Variants in AKAP7 observed in about 807,000 individuals in gnomAD.
The protein encoded by AKAP7 is A-kinase anchoring protein 7.
Under a neutral mutation model 39.5 loss-of-function variants are expected in AKAP7, and 39 were observed. The ratio of observed to expected loss-of-function variants is 0.99; its 90% CI spans 0.76 to 1.29. The LOEUF (loss-of-function observed/expected upper bound fraction) is 1.29, where lower values mean the gene tolerates loss of function less well. Among genes scored for constraint, AKAP7 ranks in the 50% most tolerant of loss-of-function variants. AKAP7 has a pLI of 0.00. For synonymous variants in AKAP7, 140 were observed against 139.1 expected, an observed-to-expected ratio of 1.01 and a Z score of -0.05; for missense variants, 414 against 407.7, an observed-to-expected ratio of 1.02 and a Z score of -0.13.
At chr6:131,210,394 AC>A (rs1289140205) in intron 6 of AKAP7, among the ~76,000 whole-genome samples, 1 of 152,200 alleles carries the variant, frequency 6.6e-6, no homozygotes, top group East Asian at 1.9e-4. Context: ...AACAGAACTT[AC>A]TCATATCATC....
intron 2 of AKAP7, among the ~76,000 whole-genome samples, chr6:131,147,412 G>A (rs1584944207): frequency 6.6e-6 from 1 of 152,210 alleles, no homozygotes; most frequent in Non-Finnish European, 1.5e-5. Flanking sequence ...CCAAGGGGGA[G>A]AAGGAATCAG....
At chr6:131,168,276 TGGCATAC>T (rs1803695329) in intron 4 of AKAP7, among the ~76,000 whole-genome samples, 1 of 151,408 alleles carries the variant, frequency 6.6e-6, no homozygotes, top group Non-Finnish European at 1.5e-5. Context: ...CCAGGCATGG[TGGCATAC>T]ACCTGTGTAT....
chr6:131,253,512 C>T (rs112574277), intron 7 of AKAP7, among the ~76,000 whole-genome samples: 4 of 152,058 alleles, frequency 2.6e-5, no homozygotes, highest in African/African-American at 9.7e-5. Context: ...ATGTTTTTAA[C>T]TATAGTCACC....
chr6:131,221,905 A>T (rs1008115942), intron 7 of AKAP7, among the ~76,000 whole-genome samples: 4 of 152,238 alleles, frequency 2.6e-5, no homozygotes, highest in Non-Finnish European at 5.9e-5. Context: ...TGTTATTTTC[A>T]TGCTTGCTAA....
chr6:131,192,542 C>G (rs1297582702), intron 5 of AKAP7, among the ~76,000 whole-genome samples: 2 of 152,030 alleles, frequency 1.3e-5, no homozygotes, highest in Admixed American at 1.3e-4. Flanking sequence ...GCTTTGTTCT[C>G]TCAGGATAAT....
At chr6:131,237,078 C>T (rs937608714) in intron 7 of AKAP7, among the ~76,000 whole-genome samples, 2 of 151,980 alleles carry the variant, frequency 1.3e-5, no homozygotes, top group African/African-American at 4.8e-5. Context: ...GAGATACGGC[C>T]CATCAATACC....
the AKAP7 span, among the ~76,000 whole-genome samples, chr6:131,127,600 T>G: frequency 6.6e-6 from 1 of 152,180 alleles, no homozygotes; most frequent in African/African-American, 2.4e-5. Context: ...TTTCAAATTC[T>G]GCACATTATA....
In AKAP7 at chr6:131,282,578, G is replaced by A. The variant is rs774172657; in HGVS notation, c.*852G>A. ...TAACAACAGTAATTCAGCAAATGAC[G>A]TTGATTTCAGCACAACTTTGACATA... is the stretch of plus-strand genomic sequence containing the variant. On this transcript the variant is annotated 3_prime_UTR_variant, in exon 8 of 8. Transcript: ENST00000431975. 3.7e-5 allele frequency: 57 copies of A among 1,535,456 alleles called. No individual in the cohort carries two copies. In the South Asian group the frequency reaches 4.6e-4, roughly 13 times the overall value.
chr6:131,179,513 T>A (rs1320210959), intron 5 of AKAP7, among the ~76,000 whole-genome samples: 4 of 152,162 alleles, frequency 2.6e-5, no homozygotes, highest in Non-Finnish European at 5.9e-5. Context: ...GTGGCTAGAT[T>A]AGGCTCCACG....
At chr6:131,278,985 G>A (rs1378771051) in intron 7 of AKAP7, among the ~76,000 whole-genome samples, 3 of 152,174 alleles carry the variant, frequency 2.0e-5, no homozygotes, top group Non-Finnish European at 1.5e-5. Flanking sequence ...TGCAGTGGTG[G>A]GCAGGCAGCC....
chr6:131,152,998 C>T (rs546399566), intron 2 of AKAP7, among the ~76,000 whole-genome samples: 15 of 151,254 alleles, frequency 9.9e-5, no homozygotes, highest in East Asian at 7.8e-4. Context: ...GGCATGGTGG[C>T]GTGTGCCTGT....
At chr6:131,265,806 G>T (rs953527076) in intron 7 of AKAP7, among the ~76,000 whole-genome samples, 1 of 152,144 alleles carries the variant, frequency 6.6e-6, no homozygotes, top group Non-Finnish European at 1.5e-5. Context: ...TGGCTTCTCT[G>T]ACTCTTGTTT....
At chr6:131,226,301 G>A (rs1281972076) in intron 7 of AKAP7, among the ~76,000 whole-genome samples, 7 of 152,174 alleles carry the variant, frequency 4.6e-5, no homozygotes, top group Non-Finnish European at 1.0e-4. Flanking sequence ...TTTATGTGGA[G>A]CATTAGGAGA....
intron 7 of AKAP7, among the ~76,000 whole-genome samples, chr6:131,251,231 T>G (rs981992458): frequency 2.0e-5 from 3 of 152,216 alleles, no homozygotes; most frequent in Non-Finnish European, 4.4e-5. Context: ...AAAGACAACT[T>G]AAAGTGGTGA....
At position 131,239,927 on chromosome 6, in the gene AKAP7, C is replaced by T. The variant is rs542972788; in HGVS notation, c.850+20119C>T. Among the ~76,000 whole-genome samples the T allele has an allele frequency of 8.8e-3, 1,337 of 152,350 alleles. 8 individuals are homozygous for T. Among genetic ancestry groups the T allele is most frequent in the South Asian group, 0.019 (90 of 4,824 alleles). The stretch of plus-strand genomic sequence containing the variant: ...CAACTTGTCAAAGTCATTCTCTGTC[C>T]AGCTTTGTTCCGTTGCTGGTGAGGA... On this transcript the variant is annotated intron_variant, in intron 7 of 7. Coordinates refer to ENST00000431975, the MANE Select transcript of AKAP7 (RefSeq NM_016377.4).
chr6:131,226,561 G>A (rs1314418664), intron 7 of AKAP7, among the ~76,000 whole-genome samples: 1 of 152,176 alleles, frequency 6.6e-6, no homozygotes, highest in Non-Finnish European at 1.5e-5. Context: ...GCTGTTCTCT[G>A]TGAGCTACTT....
chr6:131,219,576 A>C, intron 6 of AKAP7, 85 bp from the exon 7 acceptor site: 1 of 1,223,264 alleles, frequency 8.2e-7, no homozygotes, highest in Non-Finnish European at 1.1e-6. Context: ...GTAATGTAAT[A>C]ATCAGGTTCA....
upstream of AKAP7, among the ~76,000 whole-genome samples, chr6:131,131,149 C>A (rs1584910470): frequency 2.0e-5 from 3 of 152,088 alleles, no homozygotes; most frequent in African/African-American, 7.2e-5. Context: ...TCTTATGAAC[C>A]AAAGTGACTC....
chr6:131,232,975 C>T (rs886188267), intron 7 of AKAP7, among the ~76,000 whole-genome samples: 9 of 148,450 alleles, frequency 6.1e-5, no homozygotes, highest in South Asian at 2.1e-4. Context: ...TCCTTATTGG[C>T]GTGTGATCAA....
Sources: gnomAD v4.1 joint callset for allele counts (sites outside exome capture counted in the v4.1 genomes callset) on GRCh38, gnomAD v4.1.1 for gene constraint, MANE v1.5 for transcripts, NCBI Gene and HGNC (gene_info 2026-07-23, HGNC 2026-07-21) for gene names.